HIKESHI: variants seen among roughly 807,000 people sequenced by gnomAD.
The protein encoded by HIKESHI is protein Hikeshi.
In HIKESHI, 13 loss-of-function variants were observed where a neutral mutation model predicts 25.7. The ratio of observed to expected loss-of-function variants is 0.51; its 90% confidence interval spans 0.33 to 0.80. HIKESHI has a LOEUF of 0.80. Among genes scored for constraint, HIKESHI ranks in the 30% least tolerant of loss-of-function variants. HIKESHI has a pLI of 0.02. For missense variants in HIKESHI, 174 were observed against 229.5 expected, an observed-to-expected ratio of 0.76 and a Z score of 1.56; for synonymous variants, 76 against 78.7, an observed-to-expected ratio of 0.97 and a Z score of 0.18.
At chr11:86,334,509 A>G (rs1307151657) in intron 2 of HIKESHI, among the ~76,000 whole-genome samples, 1 of 152,198 alleles carries the variant, frequency 6.6e-6, no homozygotes, top group Non-Finnish European at 1.5e-5. Flanking sequence ...TTTTTATATT[A>G]AGACTAGGTC....
chr11:86,345,224 A>T, intron 4 of HIKESHI: 1 of 821,006 alleles, frequency 1.2e-6, no homozygotes, highest in Non-Finnish European at 1.5e-6. Context: ...TAATGTAGCT[A>T]TGTGACCCTG....
At chr11:86,345,144 A>T in intron 4 of HIKESHI, 1 of 1,042,144 alleles carries the variant, frequency 9.6e-7, no homozygotes, top group Non-Finnish European at 1.2e-6. Context: ...GCCTAGGAAG[A>T]GTTTGTTGAG....
intron 1 of HIKESHI, among the ~76,000 whole-genome samples, chr11:86,305,796 A>G (rs1041734809): frequency 4.0e-5 from 6 of 151,868 alleles, no homozygotes; most frequent in Admixed American, 2.0e-4. Flanking sequence ...GCTGGAGTGC[A>G]ATGGTATGGT....
intron 2 of HIKESHI, among the ~76,000 whole-genome samples, chr11:86,310,905 A>G (rs1200044852): frequency 6.6e-6 from 1 of 152,188 alleles, no homozygotes; most frequent in South Asian, 2.1e-4. Context: ...CATCCCAGGG[A>G]TGAAGCCCAC....
At chr11:86,337,309 A>G in intron 2 of HIKESHI, 70 bp from the exon 3 acceptor site, 1 of 1,439,352 alleles carries the variant, frequency 6.9e-7, no homozygotes, top group South Asian at 1.4e-5. Context: ...GGTTCTTTAT[A>G]AATTTACAAA....
rs768659146 is a variant in HIKESHI at position 86,337,494 on chromosome 11, T to A, written c.384T>A (p.Gly128=). Residue 128 remains glycine (G), a synonymous_variant, in exon 3 of 5, where the codon GGT becomes GGA. Coordinates refer to ENST00000278483, the MANE Select transcript of HIKESHI (RefSeq NM_016401.4). ...GTATGGCTCAGCAGACTCCTGTAGG[T>A]AATGCTGCTGTATCCTCAGTTGACT... ...LDSMAQQTPV[G]NAAVSSVDSF... is the part of the protein sequence containing the mutation. 2.4e-5 allele frequency: 39 copies of A among 1,613,698 alleles called. No homozygotes were observed. The East Asian group carries it at 8.7e-4, about 36-fold the overall frequency.
rs1946512142 is a variant in HIKESHI, at chr11:86,302,274, G to A, written c.-175G>A. The A allele has an allele frequency of 1.4e-6, 1 of 703,106 alleles. No individual in the cohort carries two copies. The allele number at this position is 703,106 out of a possible 1,614,324, so 43.6% of individuals were successfully genotyped here. ...GCAGTGGGCTGCTTAGGAAGAGAAG[G>A]TCAGAGTTCGCGGGGGCAGAGGCAT... On this transcript the variant is annotated 5_prime_UTR_variant, in exon 1 of 5. Coordinates refer to ENST00000278483, the MANE Select transcript of HIKESHI (RefSeq NM_016401.4).
At chr11:86,342,309 C>G (rs1416082123) in intron 3 of HIKESHI, among the ~76,000 whole-genome samples, 2 of 152,134 alleles carry the variant, frequency 1.3e-5, no homozygotes, top group Non-Finnish European at 2.9e-5. Flanking sequence ...TTTTCTCCTT[C>G]TAGCATGGTG....
rs1356171721 is a variant in HIKESHI at position 86,332,039 on chromosome 11, G to T, written c.269-5340G>T. On this transcript the variant is annotated intron_variant, in intron 2 of 4. Coordinates refer to ENST00000278483, the MANE Select transcript of HIKESHI (RefSeq NM_016401.4). ...TCTGTCGCTCAGGCTGGAGTGCAGT[G>T]GCACTCCGCCTCCTGTGTTCATGCC... 2.0e-5 allele frequency among the ~76,000 whole-genome samples: 3 copies of T among 147,104 alleles called. No homozygotes were observed. In the East Asian group the frequency reaches 6.0e-4, roughly 29 times the overall value.
rs1445117808 is a variant in HIKESHI, at chr11:86,328,930, GCGCA to G, written c.269-8447_269-8444del. ...TTTGTGTGTGTGTGTGTGTGTGTGC[GCGCA>G]CACACACACACACGCTCCTCACATG... On this transcript the variant is annotated intron_variant, in intron 2 of 4. Coordinates refer to ENST00000278483, the MANE Select transcript of HIKESHI (RefSeq NM_016401.4). 1.0e-4 allele frequency among the ~76,000 whole-genome samples: 11 copies of G among 107,850 alleles called. No homozygotes were observed. The East Asian group carries it at 2.7e-3, about 26-fold the overall frequency. 70.8% of individuals were successfully genotyped at this position (107,850 alleles called of 152,430 possible).
chr11:86,336,407 G>A (rs958413412), intron 2 of HIKESHI, among the ~76,000 whole-genome samples: 1 of 152,196 alleles, frequency 6.6e-6, no homozygotes, highest in Non-Finnish European at 1.5e-5. Context: ...GGACTTGGAT[G>A]GTGACTGGGT....
At chr11:86,314,018 A>T (rs989447945) in intron 2 of HIKESHI, among the ~76,000 whole-genome samples, 4 of 152,192 alleles carry the variant, frequency 2.6e-5, no homozygotes, top group African/African-American at 9.6e-5. Context: ...ACTCACTGGG[A>T]ATGTAATAGG....
chr11:86,311,698 G>A (rs564745416), intron 2 of HIKESHI, among the ~76,000 whole-genome samples: 1 of 152,228 alleles, frequency 6.6e-6, no homozygotes, highest in African/African-American at 2.4e-5. Flanking sequence ...TGGGCATTTA[G>A]TGCTATAAAT....
intron 3 of HIKESHI, chr11:86,344,371 T>C (rs1389193577): frequency 2.5e-6 from 1 of 392,886 alleles, no homozygotes; most frequent in African/African-American, 2.1e-5. Context: ...CCTCACTATG[T>C]TGCACAGGCT....
chr11:86,303,316 C>A, intron 1 of HIKESHI: 1 of 717,912 alleles, frequency 1.4e-6, no homozygotes, highest in Non-Finnish European at 1.7e-6. Flanking sequence ...CTTTTTTTCC[C>A]ATCAAGTTTT....
chr11:86,308,967 C>A (rs1234281628), intron 2 of HIKESHI, among the ~76,000 whole-genome samples: 1 of 152,084 alleles, frequency 6.6e-6, no homozygotes, highest in Non-Finnish European at 1.5e-5. Context: ...TCCAGTCTAT[C>A]ATTGATGGAC....
intron 2 of HIKESHI, among the ~76,000 whole-genome samples, chr11:86,317,002 C>G (rs1947003548): frequency 6.6e-6 from 1 of 151,708 alleles, no homozygotes; most frequent in African/African-American, 2.4e-5. Context: ...CCTTGTTAGC[C>G]AGGATGGTCT....
intron 4 of HIKESHI, 40 bp from the exon 5 acceptor site, chr11:86,345,544 A>G: frequency 1.6e-6 from 2 of 1,224,198 alleles, no homozygotes; most frequent in Non-Finnish European, 2.3e-6. Context: ...TCCTATTTTA[A>G]TTTTCTTGTG....
chr11:86,304,451 G>A (rs755743025), intron 1 of HIKESHI, among the ~76,000 whole-genome samples: 1 of 151,308 alleles, frequency 6.6e-6, no homozygotes, highest in Non-Finnish European at 1.5e-5. Context: ...TTCATATTAC[G>A]AGGACTGAAA....
Sources: allele counts gnomAD v4.1 joint callset (sites outside exome capture counted in the v4.1 genomes callset), GRCh38; gene constraint gnomAD v4.1.1; transcripts MANE v1.5; gene names NCBI Gene and HGNC (gene_info 2026-07-23, HGNC 2026-07-21).